Variants in TENM2 observed in about 807,000 individuals in gnomAD.
TENM2 encodes the protein teneurin transmembrane protein 2.
In TENM2, 52 loss-of-function variants were observed where a neutral mutation model predicts 245.2. The observed-to-expected ratio is 0.21, with a 90% CI of 0.17 to 0.27. The LOEUF (loss-of-function observed/expected upper bound fraction) is 0.27, where lower values mean the gene tolerates loss of function less well. Ranked by LOEUF, TENM2 falls within the 10% of genes least tolerant of loss-of-function variation. The probability of loss-of-function intolerance (pLI) is 1.00; values close to 1 mark genes in which losing one functional copy is unlikely to be tolerated. For missense variants in TENM2, 3,046 were observed against 3,666.8 expected, an observed-to-expected ratio of 0.83 and a Z score of 4.37; for synonymous variants, 1,363 against 1,438.9, an observed-to-expected ratio of 0.95 and a Z score of 1.19.
intron 4 of TENM2, chr5:167,966,952 A>G (rs1422935): frequency 0.99 from 151,384 of 152,330 alleles, 75,222 homozygotes; most frequent in East Asian, 1. Flanking sequence ...AGACCTTTAG[A>G]TTAGCCTTTC....
At chr5:167,452,320 T>C (rs1382793394) in intron 2 of TENM2, among the ~76,000 whole-genome samples, 3 of 152,162 alleles carry the variant, frequency 2.0e-5, no homozygotes, top group Non-Finnish European at 4.4e-5. Flanking sequence ...CTGTTATGGC[T>C]CTCTTGTCTT....
intron 2 of TENM2, among the ~76,000 whole-genome samples, chr5:167,587,141 A>G (rs1218745725): frequency 1.3e-5 from 2 of 152,090 alleles, no homozygotes; most frequent in Non-Finnish European, 2.9e-5. Flanking sequence ...AATGCAATTC[A>G]TCTCTTTTAA....
At chr5:167,698,235 G>A (rs546374173) in intron 2 of TENM2, among the ~76,000 whole-genome samples, 5 of 152,062 alleles carry the variant, frequency 3.3e-5, no homozygotes, top group East Asian at 3.9e-4. Context: ...CTACCTTTCC[G>A]GTCAAAGTAC....
intron 1 of TENM2, among the ~76,000 whole-genome samples, chr5:167,337,339 C>A (rs1757840870): frequency 6.6e-6 from 1 of 151,986 alleles, no homozygotes; most frequent in Non-Finnish European, 1.5e-5. Flanking sequence ...ATTAAGCAGT[C>A]AACATTTTCA....
chr5:167,782,243 G>T (rs1582996543), intron 2 of TENM2, among the ~76,000 whole-genome samples: 1 of 141,964 alleles, frequency 7.0e-6, no homozygotes, highest in Non-Finnish European at 1.5e-5. Flanking sequence ...AACCCAGGAG[G>T]TAGAGGTTGC....
chr5:167,084,951 CT>C, the TENM2 span, among the ~76,000 whole-genome samples: 1 of 152,054 alleles, frequency 6.6e-6, no homozygotes, highest in African/African-American at 2.4e-5. Context: ...CATTAGGGCC[CT>C]AGTACATAAT....
chr5:167,976,949 A>C (rs1332261307), intron 4 of TENM2, among the ~76,000 whole-genome samples: 1 of 152,242 alleles, frequency 6.6e-6, no homozygotes, highest in African/African-American at 2.4e-5. Flanking sequence ...CTAGATAAAG[A>C]AGATGTGGTA....
intron 7 of TENM2, among the ~76,000 whole-genome samples, chr5:168,081,865 T>G (rs889088148): frequency 6.6e-6 from 1 of 152,214 alleles, no homozygotes; most frequent in Non-Finnish European, 1.5e-5. Context: ...CCCTTAATAT[T>G]TTTTCTTTCA....
the TENM2 span, among the ~76,000 whole-genome samples, chr5:167,270,005 A>G: frequency 3.3e-5 from 5 of 152,150 alleles, no homozygotes; most frequent in African/African-American, 1.2e-4. Flanking sequence ...TCCTTATCAT[A>G]TATGTTATCA....
intron 17 of TENM2, 102 bp downstream of exon 19, chr5:168,200,233 T>A (rs1381112281): frequency 1.8e-6 from 2 of 1,096,186 alleles, no homozygotes; most frequent in African/African-American, 3.1e-5. Flanking sequence ...ACCATTTCAG[T>A]AGATAAGGAC....
chr5:167,157,862 T>C, the TENM2 span, among the ~76,000 whole-genome samples: 1 of 152,234 alleles, frequency 6.6e-6, no homozygotes, highest in South Asian at 2.1e-4. Context: ...CTAAGCAACA[T>C]ATAAATTAAT....
chr5:167,298,603 A>C (rs1458810576), intron 1 of TENM2, among the ~76,000 whole-genome samples: 1 of 152,234 alleles, frequency 6.6e-6, no homozygotes, highest in Non-Finnish European at 1.5e-5. Context: ...CTCCGTCTCA[A>C]AAAAACAAAC....
At chr5:167,490,998 G>A (rs1207961254) in intron 2 of TENM2, among the ~76,000 whole-genome samples, 1 of 152,090 alleles carries the variant, frequency 6.6e-6, no homozygotes, top group Non-Finnish European at 1.5e-5. Flanking sequence ...AGTAAAAATC[G>A]CATGGGTCAT....
At chr5:167,061,249 T>C in the TENM2 span, among the ~76,000 whole-genome samples, 1 of 152,262 alleles carries the variant, frequency 6.6e-6, no homozygotes, top group South Asian at 2.1e-4. Context: ...ATTATACGCA[T>C]TTATTTTTTT....
chr5:167,722,171 C>A (rs1479428313), intron 2 of TENM2, among the ~76,000 whole-genome samples: 2 of 152,186 alleles, frequency 1.3e-5, no homozygotes, highest in Non-Finnish European at 2.9e-5. Context: ...ACTTCTGCCT[C>A]CCCTCAGGCA....
At chr5:168,260,963 C>T (rs1460297035) in intron 28 of TENM2, among the ~76,000 whole-genome samples, 4 of 152,120 alleles carry the variant, frequency 2.6e-5, no homozygotes, top group South Asian at 2.1e-4. Context: ...AGATGGGAGG[C>T]GTTCAGATAA....
intron 1 of TENM2, among the ~76,000 whole-genome samples, chr5:167,324,120 G>T (rs1756942440): frequency 6.6e-6 from 1 of 152,128 alleles, no homozygotes; most frequent in African/African-American, 2.4e-5. Flanking sequence ...ACCTTAAAGA[G>T]TTTTGAAGAT....
chr5:167,290,141 A>C (rs1754549990), intron 1 of TENM2, among the ~76,000 whole-genome samples: 1 of 152,192 alleles, frequency 6.6e-6, no homozygotes. Flanking sequence ...GAGAATCTAC[A>C]ACTTTTCAAT....
intron 7 of TENM2, among the ~76,000 whole-genome samples, chr5:168,079,292 C>G (rs1791763325): frequency 6.6e-6 from 1 of 152,234 alleles, no homozygotes; most frequent in African/African-American, 2.4e-5. Flanking sequence ...TATCCTGAGA[C>G]TTTGCTGAAG....
Sources: gnomAD v4.1 joint callset for allele counts (sites outside exome capture counted in the v4.1 genomes callset) on GRCh38, gnomAD v4.1.1 for gene constraint, MANE v1.5 for transcripts, NCBI Gene and HGNC (gene_info 2026-07-23, HGNC 2026-07-21) for gene names.